FRMPD3: variants seen among roughly 807,000 people sequenced by gnomAD.
FRMPD3 encodes FERM and PDZ domain-containing protein 3.
Under a neutral mutation model 97.9 loss-of-function variants are expected in FRMPD3, and 42 were observed. The ratio of observed to expected loss-of-function variants is 0.43; its 90% CI spans 0.34 to 0.55. The LOEUF is 0.55. Among genes scored for constraint, FRMPD3 ranks in the 20% least tolerant of loss-of-function variants. The pLI is 0.03. For synonymous variants in FRMPD3, 577 were observed against 581.1 expected (o/e 0.99, Z 0.10); for missense variants, 1,303 against 1,457.7 (o/e 0.89, Z 1.73).
intron 7 of FRMPD3, among the ~76,000 whole-genome samples, chrX:107,553,796 C>G: frequency 9.0e-6 from 1 of 111,655 alleles, no homozygotes; most frequent in African/African-American, 3.3e-5. Context: ...CCAAGCAACC[C>G]TTTGAATTCA....
intron 1 of FRMPD3, among the ~76,000 whole-genome samples, chrX:107,484,799 A>G (rs1388202594): frequency 8.9e-6 from 1 of 112,245 alleles, no homozygotes; most frequent in East Asian, 2.8e-4. Context: ...CCAACTGGGA[A>G]TAGATACTGG....
intron 12 of FRMPD3, among the ~76,000 whole-genome samples, chrX:107,569,557 G>A (rs750855376): frequency 3.9e-4 from 43 of 110,980 alleles, no homozygotes; most frequent in Non-Finnish European, 7.2e-4. Context: ...TCTACCCACC[G>A]AGCCAGTGGT....
At position 107,600,846 on chromosome X, in the gene FRMPD3, A is replaced by G. The variant is rs773104143; in HGVS notation, c.2807A>G (p.Glu936Gly). The G allele has an allele frequency of 8.3e-7, 1 of 1,209,483 alleles. No individual in the cohort carries two copies. Among genetic ancestry groups the G allele is most frequent in the South Asian group, 1.8e-5 (1 of 56,616 alleles). ...GAGCTGAGGGACAACCTGCCCAAGG[A>G]GGTCAGGTTGAGCCCCAAGCTTATC... ...VSELRDNLPKEVRLSPKLILD... is the reference protein window; with the variant it reads ...VSELRDNLPKGVRLSPKLILD... The change falls in exon 15 of 15, where the codon GAG becomes GGG. Residue 936 changes from glutamate (E) to glycine (G), a missense_variant. Around this residue, in one of 3 missense-constraint regions of FRMPD3, gnomAD observed 764 missense variants for 820.2 expected, o/e 0.93. Coordinates refer to ENST00000683843, the MANE Select transcript of FRMPD3 (RefSeq NM_001388459.1).
chrX:107,486,363 T>C (rs1486880556), intron 1 of FRMPD3, among the ~76,000 whole-genome samples: 1 of 112,880 alleles, frequency 8.9e-6, no homozygotes, highest in Non-Finnish European at 1.9e-5. Context: ...CTCCATGCTT[T>C]GCCAAGATCC....
At chrX:107,500,479 T>C (rs115354228) in intron 1 of FRMPD3, among the ~76,000 whole-genome samples, 1,615 of 112,254 alleles carry the variant, frequency 0.014, 29 homozygotes, top group African/African-American at 0.05. Context: ...TTTCCTAATA[T>C]GTAAAATAGA....
At chrX:107,540,552 T>C (rs1225075252) in intron 4 of FRMPD3, among the ~76,000 whole-genome samples, 1 of 112,158 alleles carries the variant, frequency 8.9e-6, no homozygotes, top group Non-Finnish European at 1.9e-5. Context: ...CTTCTATTCC[T>C]TATTCCACCA....
intron 4 of FRMPD3, among the ~76,000 whole-genome samples, chrX:107,534,670 C>T (rs1923137461): frequency 9.0e-6 from 1 of 111,282 alleles, no homozygotes; most frequent in African/African-American, 3.3e-5. Context: ...ACTTCACTCA[C>T]ACACTCATAC....
chrX:107,499,154 G>A (rs1318698541), intron 1 of FRMPD3, among the ~76,000 whole-genome samples: 2 of 111,743 alleles, frequency 1.8e-5, no homozygotes, highest in East Asian at 2.8e-4. Flanking sequence ...TCACATTCTA[G>A]TGGAAGGTAG....
chrX:107,506,772 A>G (rs1922039151), intron 1 of FRMPD3, among the ~76,000 whole-genome samples: 1 of 112,017 alleles, frequency 8.9e-6, no homozygotes, highest in Non-Finnish European at 1.9e-5. Context: ...CTCTCTCGCT[A>G]GTTCGCCACC....
In FRMPD3 at chrX:107,449,898, TGCCGCC is replaced by T. The variant is rs895928073; in HGVS notation, c.-97_-92del. Among the ~76,000 whole-genome samples, 11 of 107,662 alleles carry T rather than the reference TGCCGCC, an allele frequency of 1.0e-4. No homozygotes were observed. Among genetic ancestry groups the T allele is most frequent in the African/African-American group, 3.0e-4 (9 of 29,932 alleles). The allele number at this position is 107,662 out of a possible 115,157, so 93.5% of individuals were successfully genotyped here. On this transcript the variant is annotated 5_prime_UTR_variant, in exon 1 of 15. Coordinates refer to ENST00000683843, the MANE Select transcript of FRMPD3 (RefSeq NM_001388459.1). ...GGGGGCACGGGTGCCCTAGTCCCGCTGCCGCCGCCGCCGCCGCCGCCGCTGCGCCGC... is the reference window on the plus strand; with the variant it reads ...GGGGGCACGGGTGCCCTAGTCCCGCTGCCGCCGCCGCCGCCGCTGCGCCGC...
Position 107,492,975 on chromosome X carries a change from T to G in FRMPD3, c.-7-33607T>G, listed in dbSNP as rs988121941. On this transcript the variant is annotated intron_variant, in intron 1 of 14. Coordinates refer to ENST00000683843, the MANE Select transcript of FRMPD3 (RefSeq NM_001388459.1). ...GGAGGATGGCTTGAGCCCAGGAGTTTGAGACCAGCCTGGGAAACATAATGA... is the reference window on the plus strand; with the variant it reads ...GGAGGATGGCTTGAGCCCAGGAGTTGGAGACCAGCCTGGGAAACATAATGA... 3.6e-5 allele frequency among the ~76,000 whole-genome samples: 4 copies of G among 109,774 alleles called. No individual in the cohort carries two copies. In the East Asian group the frequency reaches 1.1e-3, roughly 32 times the overall value.
At position 107,602,412 on chromosome X, in the gene FRMPD3, C is replaced by T; in HGVS notation, c.4373C>T (p.Pro1458Leu). The T allele has an allele frequency of 8.3e-7, 1 of 1,210,199 alleles. No homozygotes were observed. The highest frequency in any genetic ancestry group is 1.1e-6 in the Non-Finnish European group (1 of 894,798). Residue 1458 changes from proline (P) to leucine (L), a missense_variant, in exon 15 of 15, where the codon CCA (proline) becomes CTA (leucine). Transcript: ENST00000683843. ...GACCCCTCCTACGTCCAGGTTGCCC[C>T]AGAGACCAAAGGCCCCAGACAGATG... ...LGDPSYVQVA[P>L]ETKGPRQMAV... is the part of the protein sequence containing the mutation.
Position 107,600,568 on chromosome X carries a change from A to G in FRMPD3, c.2529A>G (p.Gln843=). The G allele has an allele frequency of 8.3e-7, 1 of 1,209,351 alleles. No individual in the cohort carries two copies. Among genetic ancestry groups the G allele is most frequent in the Non-Finnish European group, 1.1e-6 (1 of 894,877 alleles). ...GCCCGGATCCCAACCCATCTCTCCA[A>G]CCCATTGCCACAGGCCAGAGTCCTG... ...LGRPDPNPSL[Q]PIATGQSPGP... is the part of the protein sequence containing the mutation. Residue 843 remains glutamine (Q), a synonymous_variant, in exon 15 of 15, where the codon CAA becomes CAG. Transcript: ENST00000683843.
chrX:107,539,343 T>C (rs775173691), intron 4 of FRMPD3, among the ~76,000 whole-genome samples: 65 of 112,266 alleles, frequency 5.8e-4, no homozygotes, highest in Non-Finnish European at 1.2e-3. Flanking sequence ...TTCCTTAATC[T>C]TTGAATTACC....
At chrX:107,516,603 G>T (rs1922338566) in intron 1 of FRMPD3, among the ~76,000 whole-genome samples, 2 of 111,853 alleles carry the variant, frequency 1.8e-5, no homozygotes, top group Admixed American at 9.4e-5. Flanking sequence ...CTGTGGTTTT[G>T]ATTTGCATTT....
At position 107,601,595 on chromosome X, in the gene FRMPD3, C is replaced by T. The variant is rs1924512237; in HGVS notation, c.3556C>T (p.Pro1186Ser). ...TGCCAGCCGGCAGGTGAGCACCATG[C>T]CCTCTAGGAAGCTTGAAACAACTCT... ...QAASRQVSTM[P>S]SRKLETTLNG... The change falls in exon 15 of 15, where the codon CCC becomes TCC. Residue 1186 changes from proline to serine, a missense_variant. This residue lies in a region of FRMPD3 where 764 missense variants were observed against 820.2 expected (regional missense o/e 0.93). Transcript: ENST00000683843. The T allele has an allele frequency of 8.3e-7, 1 of 1,206,560 alleles. No homozygotes were observed. Among genetic ancestry groups the T allele is most frequent in the Non-Finnish European group, 1.1e-6 (1 of 893,977 alleles).
chrX:107,593,081 G>A (rs1245284976), intron 13 of FRMPD3, among the ~76,000 whole-genome samples: 1 of 111,476 alleles, frequency 9.0e-6, no homozygotes, highest in African/African-American at 3.2e-5. Flanking sequence ...CAGCCATTAT[G>A]GTGAATTCTT....
In FRMPD3 at chrX:107,502,672, C is replaced by T. The variant is rs151301449; in HGVS notation, c.-7-23910C>T. Among the ~76,000 whole-genome samples, 673 of 111,896 alleles carry T rather than the reference C, an allele frequency of 6.0e-3. 6 individuals carry two copies. The highest frequency in any genetic ancestry group is 0.02 in the African/African-American group (608 of 30,787). ...AAAACCAAAACAATGACAACAACAA[C>T]GAAAGGATCCCCACCAAAAAAAAGC... On this transcript the variant is annotated intron_variant, in intron 1 of 14. Transcript: ENST00000683843.
intron 5 of FRMPD3, among the ~76,000 whole-genome samples, chrX:107,549,709 G>A (rs147705353): frequency 4.7e-4 from 52 of 111,827 alleles, no homozygotes; most frequent in African/African-American, 1.6e-3. Context: ...ATAAGATCAG[G>A]TGGGTGAGGT....
Sources: gnomAD v4.1 joint callset for allele counts (sites outside exome capture counted in the v4.1 genomes callset) on GRCh38, gnomAD v4.1.1 for gene constraint, gnomAD v4.1.1 regional missense constraint, MANE v1.5 for transcripts, NCBI Gene and HGNC (gene_info 2026-07-23, HGNC 2026-07-21) for gene names.